Variants in TMEM236 observed in about 807,000 individuals in gnomAD.
TMEM236 encodes the protein family with sequence similarity 23, member A.
In TMEM236, 11 loss-of-function variants were observed where a neutral mutation model predicts 14.7. The observed-to-expected ratio is 0.75, with a 90% CI of 0.47 to 1.24. The LOEUF is 1.24. TMEM236 is among the 50% of genes most tolerant of loss of function. The pLI, the probability that TMEM236 is intolerant of heterozygous loss-of-function variation, is 0.00. For missense variants in TMEM236, 464 were observed against 427.3 expected (o/e 1.09, Z -0.76); for synonymous variants, 182 against 168.6 (o/e 1.08, Z -0.62).
At chr10:17,788,981 G>C (rs899453975) in intron 3 of TMEM236, among the ~76,000 whole-genome samples, 3 of 152,196 alleles carry the variant, frequency 2.0e-5, no homozygotes, top group African/African-American at 7.2e-5. Flanking sequence ...TGCCTTTGTG[G>C]AGTGGGGTTG....
At chr10:17,763,946 G>A (rs2131744006) in intron 1 of TMEM236, among the ~76,000 whole-genome samples, 1 of 152,274 alleles carries the variant, frequency 6.6e-6, no homozygotes, top group South Asian at 2.1e-4. Context: ...ACCTCACTCA[G>A]AGGGTTGTTG....
At chr10:17,752,573 T>G (rs1837225192) in intron 1 of TMEM236, 21 bp downstream of exon 1, 6 of 1,611,144 alleles carry the variant, frequency 3.7e-6, no homozygotes. Context: ...GAATTTTCTT[T>G]TTTTTCTTTT....
chr10:17,777,939 A>C (rs1372398260), intron 3 of TMEM236, among the ~76,000 whole-genome samples: 1 of 152,108 alleles, frequency 6.6e-6, no homozygotes, highest in East Asian at 1.9e-4. Context: ...GGGTTTCATC[A>C]TGTTGGCCAG....
chr10:17,798,597 C>T lies in TMEM236; in HGVS notation c.*2093C>T, dbSNP rs1034684662. On this transcript the variant is annotated 3_prime_UTR_variant, in exon 4 of 4. Transcript: ENST00000377495. The stretch of plus-strand genomic sequence containing the variant: ...CTACGCTCCACCAAATACCTCTCCC[C>T]TTGCCACCCTGTCTCCCTTTCCCTC... 2 of 534,350 alleles carry T rather than the reference C, an allele frequency of 3.7e-6. No homozygotes were observed. Among genetic ancestry groups the T allele is most frequent in the South Asian group, 2.8e-5 (2 of 71,572 alleles). 33.1% of individuals were successfully genotyped at this position (534,350 alleles called of 1,614,324 possible).
chr10:17,799,075 AT>A lies in TMEM236; in HGVS notation c.*2573del, dbSNP rs1838058706. ...AGTGATCGATCTGCTGAATATATAA[AT>A]TAAAATGGACACAAGCCTTCATTCA... On this transcript the variant is annotated 3_prime_UTR_variant, in exon 4 of 4. Transcript: ENST00000377495. 5.4e-6 allele frequency: 1 copy of A among 185,060 alleles called. No individual in the cohort carries two copies. The highest frequency in any genetic ancestry group is 1.1e-5 in the Non-Finnish European group (1 of 87,616). The allele number at this position is 185,060 out of a possible 1,614,324, so 11.5% of individuals were successfully genotyped here.
intron 1 of TMEM236, among the ~76,000 whole-genome samples, chr10:17,755,661 G>A (rs1367980576): frequency 2.0e-5 from 3 of 152,118 alleles, no homozygotes; most frequent in African/African-American, 7.2e-5. Flanking sequence ...ACCCTGTAGG[G>A]GTGGCTTTGA....
intron 3 of TMEM236, among the ~76,000 whole-genome samples, chr10:17,795,213 G>A (rs1837991476): frequency 2.0e-5 from 3 of 152,130 alleles, no homozygotes; most frequent in Admixed American, 2.0e-4. Context: ...ACACTCAAAT[G>A]TTTTATAATT....
intron 1 of TMEM236, among the ~76,000 whole-genome samples, chr10:17,764,670 G>A (rs2131744450): frequency 6.6e-6 from 1 of 152,146 alleles, no homozygotes; most frequent in Non-Finnish European, 1.5e-5. Flanking sequence ...ATGTAAGTAA[G>A]GAAGGCTCTG....
intron 3 of TMEM236, among the ~76,000 whole-genome samples, chr10:17,785,865 A>T (rs1020180595): frequency 1.3e-5 from 2 of 151,978 alleles, no homozygotes; most frequent in Admixed American, 1.3e-4. Context: ...CATCTACTAG[A>T]CTGGGGTAAG....
chr10:17,771,590 A>G (rs937056156), intron 2 of TMEM236, among the ~76,000 whole-genome samples: 53 of 152,212 alleles, frequency 3.5e-4, no homozygotes, highest in Admixed American at 3.5e-3. Context: ...ATTTTTAAAA[A>G]TTAATTTTGT....
At chr10:17,758,730 C>T (rs1837316537) in intron 1 of TMEM236, among the ~76,000 whole-genome samples, 1 of 152,092 alleles carries the variant, frequency 6.6e-6, no homozygotes, top group South Asian at 2.1e-4. Context: ...GTAGAAGTGG[C>T]AATAAAACTG....
intron 1 of TMEM236, among the ~76,000 whole-genome samples, chr10:17,770,064 C>T (rs1032337380): frequency 6.6e-6 from 1 of 152,120 alleles, no homozygotes; most frequent in East Asian, 1.9e-4. Context: ...TTAGCTCCCA[C>T]TTATAAGTGA....
chr10:17,766,594 C>T (rs1554834339), intron 1 of TMEM236, among the ~76,000 whole-genome samples: 2 of 152,194 alleles, frequency 1.3e-5, no homozygotes, highest in Admixed American at 1.3e-4. Flanking sequence ...TCACAACTCT[C>T]CCAGTCTCTA....
At chr10:17,775,484 A>G (rs949027543) in intron 2 of TMEM236, among the ~76,000 whole-genome samples, 23 of 152,258 alleles carry the variant, frequency 1.5e-4, no homozygotes, top group Admixed American at 5.2e-4. Context: ...CTTGTTGCTC[A>G]GGTTGGTCTC....
intron 3 of TMEM236, among the ~76,000 whole-genome samples, chr10:17,791,967 T>TC (rs1200327923): frequency 1.3e-5 from 2 of 152,214 alleles, no homozygotes; most frequent in African/African-American, 4.8e-5. Flanking sequence ...TACGGCACTC[T>TC]CATATTTGCT....
intron 3 of TMEM236, among the ~76,000 whole-genome samples, chr10:17,783,087 G>A (rs878918694): frequency 0.13 from 19,173 of 152,110 alleles, 1,598 homozygotes; most frequent in East Asian, 0.37. Context: ...TCAGTGAGGT[G>A]ACTGGCAAAA....
intron 1 of TMEM236, among the ~76,000 whole-genome samples, chr10:17,754,601 A>C (rs1350212113): frequency 6.6e-6 from 1 of 152,234 alleles, no homozygotes; most frequent in African/African-American, 2.4e-5. Context: ...TGCTGAGATT[A>C]CAGGCGTGAG....
intron 3 of TMEM236, among the ~76,000 whole-genome samples, chr10:17,777,288 A>G (rs1396643221): frequency 6.6e-6 from 1 of 152,150 alleles, no homozygotes; most frequent in African/African-American, 2.4e-5. Context: ...CACAGGTGAC[A>G]TGTAGGTGGA....
chr10:17,756,771 C>T (rs1164756132), intron 1 of TMEM236, among the ~76,000 whole-genome samples: 3 of 152,208 alleles, frequency 2.0e-5, no homozygotes, highest in African/African-American at 7.2e-5. Context: ...CAAACTGCCT[C>T]TTTGAAGGAC....
Sources: allele counts gnomAD v4.1 joint callset (sites outside exome capture counted in the v4.1 genomes callset), GRCh38; gene constraint gnomAD v4.1.1; transcripts MANE v1.5; gene names NCBI Gene and HGNC (gene_info 2026-07-23, HGNC 2026-07-21).